The following NEURL1 variants were observed in gnomAD, a reference collection of about 807,000 sequenced individuals.
The protein encoded by NEURL1 is E3 ubiquitin-protein ligase NEURL1.
In NEURL1, 26 loss-of-function variants were observed where a neutral mutation model predicts 41.2. The ratio of observed to expected loss-of-function variants is 0.63; its 90% CI spans 0.46 to 0.87. NEURL1 has a LOEUF of 0.87. NEURL1 is among the 40% of genes least tolerant of loss of function. The pLI, the probability that NEURL1 is intolerant of heterozygous loss-of-function variation, is 0.00. For missense variants in NEURL1, 761 were observed against 871.1 expected (o/e 0.87, Z 1.59); for synonymous variants, 400 against 402.3 (o/e 0.99, Z 0.07).
intron 1 of NEURL1, among the ~76,000 whole-genome samples, chr10:103,523,791 C>T (rs190818669): frequency 3.9e-5 from 6 of 152,240 alleles, no homozygotes; most frequent in Middle Eastern, 3.4e-3. Context: ...TTTTAAATGG[C>T]TAAATAGTAT....
chr10:103,508,710 G>A lies in NEURL1; in HGVS notation c.85+14238G>A, dbSNP rs1325803001. Among the ~76,000 whole-genome samples, 4 of 152,168 alleles carry A rather than the reference G, an allele frequency of 2.6e-5. No homozygotes were observed. The highest frequency in any genetic ancestry group is 6.5e-5 in the Admixed American group (1 of 15,280). On this transcript the variant is annotated intron_variant, in intron 1 of 5. Transcript: ENST00000369780. The surrounding 1 kb of genome is among the most constrained non-coding windows in gnomAD (Gnocchi z 4.3). ...TGTGGGCCCAGGGGTTGGAGGAAGC[G>A]GTTGGGATAGGTCATGAGGGAGCAG...
At chr10:103,576,373 GGAGGGGAAGGAAT>G (rs958800743) in intron 3 of NEURL1, among the ~76,000 whole-genome samples, 21 of 152,178 alleles carry the variant, frequency 1.4e-4, no homozygotes, top group African/African-American at 5.1e-4. Context: ...AGCAGATCCA[GGAGGGGAAGGAAT>G]GAGGTAGAAA....
chr10:103,540,586 A>G (rs1884931), intron 1 of NEURL1, among the ~76,000 whole-genome samples: 39,871 of 152,078 alleles, frequency 0.26, 6,885 homozygotes, highest in African/African-American at 0.49. Flanking sequence ...CACCACGCCC[A>G]GCCTTCACAC....
At chr10:103,528,735 G>A (rs557289336) in intron 1 of NEURL1, among the ~76,000 whole-genome samples, 5 of 152,210 alleles carry the variant, frequency 3.3e-5, no homozygotes, top group African/African-American at 1.2e-4. Context: ...ATAAGTAAAA[G>A]CATTCCAACC....
intron 3 of NEURL1, among the ~76,000 whole-genome samples, chr10:103,574,571 G>C (rs1215453358): frequency 6.6e-6 from 1 of 152,218 alleles, no homozygotes; most frequent in African/African-American, 2.4e-5. Context: ...TGAGGTCAGT[G>C]GGGGAGGATG....
chr10:103,514,396 T>C (rs1428600822), intron 1 of NEURL1, among the ~76,000 whole-genome samples: 1 of 152,164 alleles, frequency 6.6e-6, no homozygotes, highest in Non-Finnish European at 1.5e-5. Flanking sequence ...CCGGGCTGGT[T>C]ACTATCCCTC....
intron 1 of NEURL1, among the ~76,000 whole-genome samples, chr10:103,555,938 C>T (rs2035144626): frequency 6.6e-6 from 1 of 151,596 alleles, no homozygotes; most frequent in Non-Finnish European, 1.5e-5. Flanking sequence ...GCTGAGTGTG[C>T]ATGTGTGTCT....
At chr10:103,494,581 C>G in intron 1 of NEURL1, 109 bp downstream of exon 1, 3 of 973,446 alleles carry the variant, frequency 3.1e-6, no homozygotes, top group Non-Finnish European at 4.4e-6. Context: ...TGTCTGGAGG[C>G]CGGAGATGCA....
At chr10:103,574,607 G>C (rs1026357327) in intron 3 of NEURL1, among the ~76,000 whole-genome samples, 3 of 152,238 alleles carry the variant, frequency 2.0e-5, no homozygotes, top group Non-Finnish European at 2.9e-5. Context: ...TCTTGGAAGA[G>C]AAGACTTGGG....
intron 1 of NEURL1, among the ~76,000 whole-genome samples, chr10:103,569,412 T>C (rs2035491422): frequency 1.3e-5 from 2 of 152,234 alleles, no homozygotes; most frequent in Non-Finnish European, 2.9e-5. Context: ...TATGCTTCCA[T>C]TTCTACCTCT....
At chr10:103,550,152 G>A (rs559018462) in intron 1 of NEURL1, among the ~76,000 whole-genome samples, 3 of 152,332 alleles carry the variant, frequency 2.0e-5, no homozygotes, top group South Asian at 2.1e-4. Flanking sequence ...CTGGGAATGA[G>A]GTGCTAGGCC....
chr10:103,510,626 C>G (rs1253166636), intron 1 of NEURL1, among the ~76,000 whole-genome samples: 1 of 152,156 alleles, frequency 6.6e-6, no homozygotes, highest in African/African-American at 2.4e-5. Context: ...CCAGCTGTCT[C>G]CCTTGTGCTG....
chr10:103,528,918 T>C (rs1224515557), intron 1 of NEURL1, among the ~76,000 whole-genome samples: 1 of 152,228 alleles, frequency 6.6e-6, no homozygotes, highest in African/African-American at 2.4e-5. Context: ...TTCCAGTATA[T>C]GCCCATAATT....
At chr10:103,557,425 C>T (rs1311279426) in intron 1 of NEURL1, among the ~76,000 whole-genome samples, 1 of 152,070 alleles carries the variant, frequency 6.6e-6, no homozygotes, top group African/African-American at 2.4e-5. Flanking sequence ...GGATCACTTG[C>T]GGTGCTCTAA....
intron 1 of NEURL1, among the ~76,000 whole-genome samples, chr10:103,552,052 G>T (rs74154536): frequency 0.056 from 8,429 of 150,048 alleles, 401 homozygotes; most frequent in African/African-American, 0.13. Context: ...CTGAGTGCCT[G>T]CTCCGGGCAG....
intron 1 of NEURL1, among the ~76,000 whole-genome samples, chr10:103,529,450 A>G (rs2034526544): frequency 6.6e-6 from 1 of 152,220 alleles, no homozygotes; most frequent in Non-Finnish European, 1.5e-5. Context: ...GGAACCCTGT[A>G]CAGGGACTGT....
rs1431552103 is a variant in NEURL1 at position 103,508,064 on chromosome 10, G to A, written c.85+13592G>A. Reference sequence around the variant, plus strand: ...AGGGATGGACAAGCAAGAGGGACTGGATGGATGGCCCTGTAGTAAAACAGA... The same window carrying A: ...AGGGATGGACAAGCAAGAGGGACTGAATGGATGGCCCTGTAGTAAAACAGA... On this transcript the variant is annotated intron_variant, in intron 1 of 5. Coordinates refer to ENST00000369780, the MANE Select transcript of NEURL1 (RefSeq NM_004210.5). This position sits in a 1 kb window ranked among gnomAD's most constrained non-coding sequence, Gnocchi z 4.3. Among the ~76,000 whole-genome samples the A allele has an allele frequency of 6.6e-6, 1 of 152,200 alleles. No individual in the cohort carries two copies. The highest frequency in any genetic ancestry group is 2.4e-5 in the African/African-American group (1 of 41,446).
chr10:103,590,197 G>A lies in NEURL1; in HGVS notation c.1550G>A (p.Trp517Ter), dbSNP rs747479832. Reference sequence around the variant, plus strand: ...CCAGTGACCCCAGGTCTGGGCCAGTGGAGCGATGAGTGCACCATTTGCTAT... The same window carrying A: ...CCAGTGACCCCAGGTCTGGGCCAGTAGAGCGATGAGTGCACCATTTGCTAT... ...ESPVTPGLGQ[W>*]SDECTICYEH... Residue 517 changes from tryptophan to a stop codon, truncating the protein, a stop_gained, in exon 6 of 6, where the codon TGG becomes TAG. Coordinates refer to ENST00000369780, the MANE Select transcript of NEURL1 (RefSeq NM_004210.5). LOFTEE classifies it high-confidence loss of function. 2 of 1,614,224 alleles carry A rather than the reference G, an allele frequency of 1.2e-6. No homozygotes were observed. The highest frequency in any genetic ancestry group is 1.7e-6 in the Non-Finnish European group (2 of 1,180,050).
intron 1 of NEURL1, among the ~76,000 whole-genome samples, chr10:103,520,659 T>G (rs181668401): frequency 2.2e-3 from 337 of 152,156 alleles, no homozygotes; most frequent in African/African-American, 7.8e-3. Context: ...CTTCTTATAT[T>G]AATAAGAAAA....
Sources: gnomAD v4.1 joint callset for allele counts (sites outside exome capture counted in the v4.1 genomes callset) on GRCh38, gnomAD v4.1.1 for gene constraint, Gnocchi (gnomAD v3.1) non-coding constraint, MANE v1.5 for transcripts, NCBI Gene and HGNC (gene_info 2026-07-23, HGNC 2026-07-21) for gene names.